Variants in USP14 observed in about 807,000 individuals in gnomAD.
USP14 encodes ubiquitin carboxyl-terminal hydrolase 14.
USP14 carries 38 observed loss-of-function variants against 76.5 expected under a neutral mutation model. The ratio of observed to expected loss-of-function variants is 0.50; its 90% CI spans 0.38 to 0.65. USP14 has a LOEUF of 0.65. Among genes scored for constraint, USP14 ranks in the 30% least tolerant of loss-of-function variants. The pLI, the probability that USP14 is intolerant of heterozygous loss-of-function variation, is 0.00. For missense variants in USP14, 467 were observed against 586.5 expected (o/e 0.80, Z 2.10); for synonymous variants, 192 against 191.7 (o/e 1.00, Z -0.01).
rs757027356 is a variant in USP14 at position 163,438 on chromosome 18, A to G, written c.147A>G (p.Lys49=). 4 of 1,613,458 alleles carry G rather than the reference A, an allele frequency of 2.5e-6. No homozygotes were observed. Among genetic ancestry groups the G allele is most frequent in the Non-Finnish European group, 2.5e-6 (3 of 1,179,774 alleles). The change falls in exon 2 of 16, where the codon AAA becomes AAG. Residue 49 remains lysine (K), a synonymous_variant. Coordinates refer to ENST00000261601, the MANE Select transcript of USP14 (RefSeq NM_005151.4). ...VQPARQKVMV[K]GGTLKDDDWG... ...CTGCCAGACAGAAAGTTATGGTGAA[A>G]GGAGGAACGCTAAAGGTAAAATGTA...
intron 6 of USP14, among the ~76,000 whole-genome samples, chr18:194,505 G>A (rs555961418): frequency 6.6e-6 from 1 of 152,144 alleles, no homozygotes; most frequent in Admixed American, 6.5e-5. Flanking sequence ...AGTCGCATTT[G>A]GTTTCTCATT....
chr18:167,994 A>G (rs573747089), intron 3 of USP14, among the ~76,000 whole-genome samples: 4 of 143,662 alleles, frequency 2.8e-5, no homozygotes, highest in African/African-American at 1.1e-4. Flanking sequence ...CTAGAGTGCA[A>G]TGGCGCGATC....
rs1052433180 is a variant in USP14 at position 212,601 on chromosome 18, C to CA, written c.*1328dup. 0.02 allele frequency: 2,683 copies of CA among 131,808 alleles called. 64 individuals are homozygous for CA. Among genetic ancestry groups the CA allele is most frequent in the African/African-American group, 0.068 (2,418 of 35,780 alleles). 8.2% of individuals were successfully genotyped at this position (131,808 alleles called of 1,614,324 possible). A position where few individuals can be genotyped will look rare whatever the true frequency, so the allele number is the denominator to read the frequency against. ...CCTGGGTGACAGAGAGACTCTGTCTCAAAAAAAAAAAGAAAAAATTCCCAA... is the reference window on the plus strand; with the variant it reads ...CCTGGGTGACAGAGAGACTCTGTCTCAAAAAAAAAAAAGAAAAAATTCCCAA... On this transcript the variant is annotated 3_prime_UTR_variant, in exon 16 of 16. Coordinates refer to ENST00000261601, the MANE Select transcript of USP14 (RefSeq NM_005151.4).
chr18:196,030 A>G (rs2143063186), intron 6 of USP14, among the ~76,000 whole-genome samples: 1 of 152,200 alleles, frequency 6.6e-6, no homozygotes. Context: ...TACACTTAAA[A>G]ATGTTTAAGC....
At position 203,191 on chromosome 18, in the gene USP14, G is replaced by T; in HGVS notation, c.1035+1G>T. ...ATCTGTGAATGCCAAAGTTCTTAAG[G>T]TTAGTAATGAACTTTACTTTGTATA... On this transcript the variant is annotated splice_donor_variant, in intron 12 of 15. Coordinates refer to ENST00000261601, the MANE Select transcript of USP14 (RefSeq NM_005151.4). LOFTEE classifies it high-confidence loss of function. 1 of 1,610,078 alleles carries T rather than the reference G, an allele frequency of 6.2e-7. No individual in the cohort carries two copies. Among genetic ancestry groups the T allele is most frequent in the South Asian group, 1.1e-5 (1 of 90,318 alleles).
chr18:195,590 G>A (rs1257014366), intron 6 of USP14, among the ~76,000 whole-genome samples: 2 of 152,204 alleles, frequency 1.3e-5, no homozygotes, highest in Non-Finnish European at 2.9e-5. Flanking sequence ...TCATGCTGCT[G>A]AGAGGGGTAA....
At chr18:180,044 A>T (rs1220160987) in intron 4 of USP14, among the ~76,000 whole-genome samples, 192 bp from the exon 5 acceptor site, 1 of 152,072 alleles carries the variant, frequency 6.6e-6, no homozygotes, top group Non-Finnish European at 1.5e-5. Context: ...TATGATGGCC[A>T]GCATGATCCA....
intron 3 of USP14, among the ~76,000 whole-genome samples, chr18:168,794 C>T (rs1202387028): frequency 6.6e-5 from 10 of 151,074 alleles, no homozygotes; most frequent in South Asian, 2.1e-4. Flanking sequence ...TAAGAGTGGC[C>T]GGGCGCGGTG....
Position 211,534 on chromosome 18 carries a change from G to T in USP14, c.*250G>T. The stretch of plus-strand genomic sequence containing the variant: ...ATTTTTAAAAAGCTTATTATTTCTT[G>T]CATTATTTTAAAAAGTTCAGAGTTG... On this transcript the variant is annotated 3_prime_UTR_variant, in exon 16 of 16. Transcript: ENST00000261601. 3.1e-6 allele frequency: 1 copy of T among 322,606 alleles called. No individual in the cohort carries two copies. The highest frequency in any genetic ancestry group is 5.6e-6 in the Non-Finnish European group (1 of 179,184). 20.0% of individuals were successfully genotyped at this position (322,606 alleles called of 1,614,324 possible).
Position 166,826 on chromosome 18 carries a change from ATTATC to A in USP14, c.195+12_195+16del, listed in dbSNP as rs771529647. 1.4e-5 allele frequency: 22 copies of A among 1,609,242 alleles called. No homozygotes were observed. Among genetic ancestry groups the A allele is most frequent in the African/African-American group, 9.4e-5 (7 of 74,766 alleles). ...AAACATCAAAATAAAAAATGTAAGT[ATTATC>A]TTATGAACGTTTATTATAATGCAGT... On this transcript the variant is annotated splice_region_variant and intron_variant, in intron 3 of 15. Coordinates refer to ENST00000261601, the MANE Select transcript of USP14 (RefSeq NM_005151.4).
At chr18:211,102 A>G in intron 15 of USP14, 31 bp from the exon 16 acceptor site, 1 of 1,602,044 alleles carries the variant, frequency 6.2e-7, no homozygotes, top group Non-Finnish European at 8.5e-7. Context: ...CCTGCATAAC[A>G]TTAATTCATC....
intron 5 of USP14, 113 bp downstream of exon 5, chr18:180,452 T>A: frequency 1.5e-6 from 1 of 678,860 alleles, no homozygotes; most frequent in South Asian, 1.9e-5. Context: ...ATTATACAAT[T>A]CAGCATTTTA....
chr18:183,187 A>G (rs1909832070), intron 5 of USP14, among the ~76,000 whole-genome samples: 1 of 152,154 alleles, frequency 6.6e-6, no homozygotes, highest in Non-Finnish European at 1.5e-5. Flanking sequence ...GCAAGAGTCT[A>G]GGTCAAAGCC....
Position 204,566 on chromosome 18 carries a change from T to A in USP14, c.1038T>A (p.Asp346Glu). Residue 346 changes from aspartate to glutamate, a missense_variant and splice_region_variant, in exon 13 of 16, where the codon GAT (aspartate) becomes GAA (glutamate). By Grantham distance (45) the Asp-to-Glu change is conservative. Coordinates refer to ENST00000261601, the MANE Select transcript of USP14 (RefSeq NM_005151.4). The part of the protein sequence containing the change: ...KESVNAKVLK[D>E]VKFPLMLDMY... Reference sequence around the variant, plus strand: ...GTTTTTTGTTTGTTTGTATATAGGATGTTAAATTTCCTCTTATGTTGGATA... The same window carrying A: ...GTTTTTTGTTTGTTTGTATATAGGAAGTTAAATTTCCTCTTATGTTGGATA... 6.3e-7 allele frequency: 1 copy of A among 1,592,480 alleles called. No individual in the cohort carries two copies. Among genetic ancestry groups the A allele is most frequent in the African/African-American group, 1.4e-5 (1 of 73,910 alleles).
chr18:176,642 TA>T (rs1158844641), intron 3 of USP14, among the ~76,000 whole-genome samples: 1 of 152,172 alleles, frequency 6.6e-6, no homozygotes, highest in African/African-American at 2.4e-5. Context: ...AAATGTTTTA[TA>T]GACATTTTTA....
At chr18:181,610 T>A (rs564845637) in intron 5 of USP14, among the ~76,000 whole-genome samples, 2 of 152,360 alleles carry the variant, frequency 1.3e-5, no homozygotes, top group African/African-American at 4.8e-5. Context: ...TCTTCTATAC[T>A]ATAAGCTGTC....
In USP14 at chr18:209,992, C is replaced by T; in HGVS notation, c.1186C>T (p.Gln396Ter). 6.2e-7 allele frequency: 1 copy of T among 1,604,184 alleles called. No homozygotes were observed. Among genetic ancestry groups the T allele is most frequent in the Non-Finnish European group, 8.5e-7 (1 of 1,176,676 alleles). ...TCAGAGTGACAAAAAGAGTAGTCCCCAGAAAGAAGTTAAGTATGAACCCTT... is the reference window on the plus strand; with the variant it reads ...TCAGAGTGACAAAAAGAGTAGTCCCTAGAAAGAAGTTAAGTATGAACCCTT... ...PNTSDKKSSP[Q>*]KEVKYEPFSF... The change falls in exon 14 of 16, where the codon CAG becomes TAG. Residue 396 changes from glutamine to a stop codon, truncating the protein, a stop_gained. Coordinates refer to ENST00000261601, the MANE Select transcript of USP14 (RefSeq NM_005151.4). LOFTEE classifies it high-confidence loss of function.
At chr18:171,025 A>ATATATATATATATATATAT (rs1555762344) in intron 3 of USP14, among the ~76,000 whole-genome samples, 74 of 47,546 alleles carry the variant, frequency 1.6e-3, no homozygotes, top group Admixed American at 4.1e-3. Context: ...AAAAAAAAAA[A>ATATATATATATATATATAT]ATATATATAT....
chr18:188,175 T>C (rs576336067), intron 5 of USP14, among the ~76,000 whole-genome samples: 58 of 152,254 alleles, frequency 3.8e-4, no homozygotes, highest in Non-Finnish European at 6.0e-4. Context: ...TTTCTTTTTT[T>C]CTCCTTGTCT....
Sources: allele counts gnomAD v4.1 joint callset (sites outside exome capture counted in the v4.1 genomes callset), GRCh38; gene constraint gnomAD v4.1.1; transcripts MANE v1.5; gene names NCBI Gene and HGNC (gene_info 2026-07-23, HGNC 2026-07-21).